INTS6: variants seen among roughly 807,000 people sequenced by gnomAD.
INTS6 encodes the protein integrator complex subunit 6.
Under a neutral mutation model 104.9 loss-of-function variants are expected in INTS6, and 16 were observed. The ratio of observed to expected loss-of-function variants is 0.15; its 90% CI spans 0.10 to 0.23. INTS6 has a LOEUF of 0.23. Ranked by LOEUF, INTS6 falls within the 10% of genes least tolerant of loss-of-function variation. The pLI is 1.00. For missense variants in INTS6, 584 were observed against 1,062.8 expected (o/e 0.55, Z 6.26); for synonymous variants, 324 against 358.7 (o/e 0.90, Z 1.09).
intron 4 of INTS6, among the ~76,000 whole-genome samples, chr13:51,396,162 G>A (rs1459600183): frequency 6.6e-6 from 1 of 152,122 alleles, no homozygotes; most frequent in Non-Finnish European, 1.5e-5. Context: ...TGTGTCCAGA[G>A]TCAGTACTTT....
chr13:51,399,642 C>G (rs968893035), intron 4 of INTS6, among the ~76,000 whole-genome samples: 1 of 152,048 alleles, frequency 6.6e-6, no homozygotes, highest in Non-Finnish European at 1.5e-5. Flanking sequence ...ATAACAGAAC[C>G]AGTTGCTCTG....
intron 9 of INTS6, among the ~76,000 whole-genome samples, chr13:51,382,713 C>T (rs1956075745): frequency 1.3e-5 from 2 of 152,326 alleles, no homozygotes; most frequent in Admixed American, 6.5e-5. Context: ...AGAAAGCCTA[C>T]ATTACCAATT....
chr13:51,352,457 A>G (rs760992869), downstream of INTS6, among the ~76,000 whole-genome samples: 4 of 151,510 alleles, frequency 2.6e-5, no homozygotes, highest in Non-Finnish European at 4.4e-5. Flanking sequence ...GAACTCATTT[A>G]TTAGCTCTGA....
chr13:51,391,722 T>C (rs573300691), intron 5 of INTS6, among the ~76,000 whole-genome samples: 17 of 152,210 alleles, frequency 1.1e-4, no homozygotes, highest in Non-Finnish European at 2.2e-4. Flanking sequence ...CTAAAGGCAG[T>C]ATTAGCATCT....
intron 17 of INTS6, among the ~76,000 whole-genome samples, chr13:51,366,262 G>GTA (rs1955686370): frequency 6.6e-6 from 1 of 151,896 alleles, no homozygotes; most frequent in Admixed American, 6.6e-5. Context: ...TGTGAACAAA[G>GTA]TATGAATATA....
chr13:51,390,667 C>T (rs931870094), intron 5 of INTS6, among the ~76,000 whole-genome samples: 21 of 151,970 alleles, frequency 1.4e-4, no homozygotes, highest in African/African-American at 3.4e-4. Context: ...TTACACTTAA[C>T]GTGATTTGTT....
At chr13:51,418,424 T>C (rs984485936) in intron 4 of INTS6, among the ~76,000 whole-genome samples, 2 of 152,054 alleles carry the variant, frequency 1.3e-5, no homozygotes, top group African/African-American at 4.8e-5. Flanking sequence ...TTTAATACTA[T>C]TATCCAATAT....
chr13:51,398,035 A>C (rs1282474771), intron 4 of INTS6, among the ~76,000 whole-genome samples: 2 of 152,128 alleles, frequency 1.3e-5, no homozygotes, highest in African/African-American at 2.4e-5. Context: ...GCAAATTTTT[A>C]TTTATTTTTC....
chr13:51,379,935 T>C (rs114270580), intron 10 of INTS6, among the ~76,000 whole-genome samples: 1,760 of 152,098 alleles, frequency 0.012, 30 homozygotes, highest in African/African-American at 0.04. Context: ...AAATGCAAGA[T>C]TTCTACTTTT....
Position 51,387,474 on chromosome 13 carries a change from T to C in INTS6, c.806A>G (p.Tyr269Cys). Reference protein sequence around the residue: ...QPWHSCHKLIYVRPNPKTGVP... With the variant: ...QPWHSCHKLICVRPNPKTGVP... ...CCCAGTTTTAGGATTTGGTCTGACA[T>C]ATATGAGTTTGTGACAGCTATGCCA... The change falls in exon 7 of 18, where the codon TAT (tyrosine) becomes TGT (cysteine). Residue 269 changes from tyrosine to cysteine, a missense_variant. Tyr to Cys is a radical substitution (Grantham distance 194). Around this residue, in one of 5 missense-constraint regions of INTS6, gnomAD observed 144 missense variants for 348.7 expected, o/e 0.41. Transcript: ENST00000311234. 6.2e-7 allele frequency: 1 copy of C among 1,613,892 alleles called. No individual in the cohort carries two copies. The highest frequency in any genetic ancestry group is 8.5e-7 in the Non-Finnish European group (1 of 1,179,866).
rs937998768 is a variant in INTS6 at position 51,363,256 on chromosome 13, C to T, written c.*2496G>A. The T allele has an allele frequency of 3.3e-5, 5 of 151,896 alleles. No individual in the cohort carries two copies. Among genetic ancestry groups the T allele is most frequent in the Admixed American group, 3.3e-4 (5 of 15,208 alleles). The allele number at this position is 151,896 out of a possible 1,614,324, so 9.4% of individuals were successfully genotyped here. On this transcript the variant is annotated 3_prime_UTR_variant, in exon 18 of 18. Coordinates refer to ENST00000311234, the MANE Select transcript of INTS6 (RefSeq NM_012141.3). ...ATGGTAGGAGTTTTCAGAACTGCCT[C>T]AGTAATCAGAATGAAAATATAAGGA...
intron 4 of INTS6, chr13:51,423,049 G>A (rs1956923566): frequency 5.5e-6 from 7 of 1,280,036 alleles, no homozygotes; most frequent in Non-Finnish European, 6.1e-6. Context: ...AAGATAATAC[G>A]TTTTCTAGCC....
At chr13:51,374,587 A>G in intron 14 of INTS6, 67 bp downstream of exon 14, 1 of 1,579,556 alleles carries the variant, frequency 6.3e-7, no homozygotes, top group South Asian at 1.1e-5. Context: ...CTTCAGTTAA[A>G]TTAAGAACTA....
At chr13:51,365,918 A>G in intron 17 of INTS6, 73 bp from the exon 18 acceptor site, 1 of 808,226 alleles carries the variant, frequency 1.2e-6, no homozygotes, top group South Asian at 2.3e-5. Flanking sequence ...TTTTTTTAAG[A>G]AAGGAGAGAA....
Position 51,362,064 on chromosome 13 carries a change from G to A in INTS6, c.*3688C>T, listed in dbSNP as rs17837214. 19,504 of 1,569,120 alleles carry A rather than the reference G, an allele frequency of 0.012. 290 individuals are homozygous for A. Among genetic ancestry groups the A allele is most frequent in the East Asian group, 0.067 (2,923 of 43,732 alleles). On this transcript the variant is annotated 3_prime_UTR_variant, in exon 18 of 18. Transcript: ENST00000311234. ...CTATCCTAAGAAAGGGGACTATTTC[G>A]TAAGTACAAAGGAAACTTATCCTCC... is the stretch of plus-strand genomic sequence containing the variant.
At chr13:51,404,025 C>CCAG (rs1956500568) in intron 4 of INTS6, among the ~76,000 whole-genome samples, 1 of 149,560 alleles carries the variant, frequency 6.7e-6, no homozygotes, top group South Asian at 2.1e-4. Flanking sequence ...GAGTTAGAGA[C>CCAG]CAGCCTGGGC....
At chr13:51,348,247 G>C in the INTS6 span, 1 of 1,602,924 alleles carries the variant, frequency 6.2e-7, no homozygotes, top group Non-Finnish European at 8.5e-7. Context: ...ATCAGGTGGG[G>C]GTGCTGGAGC....
intron 4 of INTS6, among the ~76,000 whole-genome samples, chr13:51,399,180 T>C (rs1043005114): frequency 5.3e-5 from 8 of 152,076 alleles, no homozygotes; most frequent in African/African-American, 1.9e-4. Flanking sequence ...TTCATTCCTA[T>C]TGCCATATTG....
chr13:51,351,399 A>G (rs994097600), downstream of INTS6, among the ~76,000 whole-genome samples: 3 of 152,130 alleles, frequency 2.0e-5, no homozygotes, highest in African/African-American at 7.2e-5. Flanking sequence ...CTAATGACTA[A>G]TGAGGTAGAG....
Sources: allele counts gnomAD v4.1 joint callset (sites outside exome capture counted in the v4.1 genomes callset), GRCh38; gene constraint gnomAD v4.1.1; regional missense constraint gnomAD v4.1.1; transcripts MANE v1.5; gene names NCBI Gene and HGNC (gene_info 2026-07-23, HGNC 2026-07-21).